Variants in ZFHX3 observed in about 807,000 individuals in gnomAD.
ZFHX3 encodes zinc finger homeobox protein 3.
In ZFHX3, 42 loss-of-function variants were observed where a neutral mutation model predicts 279.1. The ratio of observed to expected loss-of-function variants is 0.15; its 90% confidence interval spans 0.12 to 0.19. The LOEUF is 0.19. ZFHX3 is among the 10% of genes least tolerant of loss of function. The pLI, the probability that ZFHX3 is intolerant of heterozygous loss-of-function variation, is 1.00. For synonymous variants in ZFHX3, 2,293 were observed against 1,957.8 expected (o/e 1.17, Z -4.52); for missense variants, 4,981 against 4,754.0 (o/e 1.05, Z -1.40).
intron 5 of ZFHX3, among the ~76,000 whole-genome samples, chr16:73,223,492 GA>G (rs1204257582): frequency 6.6e-6 from 1 of 152,090 alleles, no homozygotes; most frequent in Non-Finnish European, 1.5e-5. Flanking sequence ...ATATCATCAA[GA>G]AAGTGCAAAT....
chr16:72,897,730 C>CG (rs145793849), intron 3 of ZFHX3, among the ~76,000 whole-genome samples: 2,308 of 152,128 alleles, frequency 0.015, 33 homozygotes, highest in Non-Finnish European at 0.023. Flanking sequence ...TGTAAGTCAC[C>CG]GCACCCAGCC....
chr16:73,419,188 G>A (rs1392961975), intron 3 of ZFHX3, among the ~76,000 whole-genome samples: 2 of 152,202 alleles, frequency 1.3e-5, no homozygotes, highest in Non-Finnish European at 2.9e-5. Flanking sequence ...AAGGAAAGAA[G>A]TACTGATAAT....
chr16:72,993,828 C>T (rs75146170), intron 1 of ZFHX3, among the ~76,000 whole-genome samples: 1,640 of 152,234 alleles, frequency 0.011, 34 homozygotes, highest in East Asian at 0.094. Context: ...ACACCCTAGA[C>T]GTCTTCAAAC....
intron 3 of ZFHX3, among the ~76,000 whole-genome samples, chr16:73,376,473 C>T (rs556739152): frequency 1.3e-5 from 2 of 152,308 alleles, no homozygotes; most frequent in East Asian, 3.9e-4. Context: ...AACTTTAATT[C>T]ATTTCATTTT....
intron 5 of ZFHX3, among the ~76,000 whole-genome samples, chr16:73,185,380 T>C (rs1054477085): frequency 1.3e-5 from 2 of 152,170 alleles, no homozygotes; most frequent in African/African-American, 2.4e-5. Context: ...GTTGAGACAT[T>C]TGTCCAACGT....
intron 2 of ZFHX3, among the ~76,000 whole-genome samples, chr16:73,508,754 G>T (rs2019372066): frequency 1.3e-5 from 2 of 152,204 alleles, no homozygotes; most frequent in Admixed American, 1.3e-4. Flanking sequence ...AGACACGAAT[G>T]AATACTGTGA....
At chr16:73,814,570 T>A (rs927026171) in intron 1 of ZFHX3, among the ~76,000 whole-genome samples, 14 of 144,880 alleles carry the variant, frequency 9.7e-5, no homozygotes, top group Non-Finnish European at 1.8e-4. Context: ...GTTCACAACT[T>A]TTTTTTTTTT....
chr16:73,341,099 T>C (rs993729604), intron 3 of ZFHX3, among the ~76,000 whole-genome samples: 1 of 152,086 alleles, frequency 6.6e-6, no homozygotes, highest in Non-Finnish European at 1.5e-5. Flanking sequence ...TCCCAGCACT[T>C]TGGGAGGCCG....
intron 1 of ZFHX3, among the ~76,000 whole-genome samples, chr16:73,764,695 C>A (rs1370245193): frequency 6.6e-6 from 1 of 152,082 alleles, no homozygotes; most frequent in African/African-American, 2.4e-5. Flanking sequence ...AAGGAACAAC[C>A]AAAGAAAGAA....
At chr16:73,689,341 T>C (rs1320210355) in intron 1 of ZFHX3, among the ~76,000 whole-genome samples, 1 of 152,196 alleles carries the variant, frequency 6.6e-6, no homozygotes, top group Non-Finnish European at 1.5e-5. Flanking sequence ...CCCAGAGAAG[T>C]AGCCACATGG....
At chr16:72,993,847 C>T (rs1479047927) in intron 1 of ZFHX3, among the ~76,000 whole-genome samples, 1 of 152,166 alleles carries the variant, frequency 6.6e-6, no homozygotes, top group Admixed American at 6.5e-5. Context: ...ACTTCATTTC[C>T]TCTGCCACTG....
At chr16:73,785,697 G>C (rs1452834287) in intron 1 of ZFHX3, among the ~76,000 whole-genome samples, 2 of 152,118 alleles carry the variant, frequency 1.3e-5, no homozygotes, top group Admixed American at 1.3e-4. Context: ...TTCTACACTG[G>C]AAATAATTTT....
At chr16:73,774,273 A>G (rs1241813205) in intron 1 of ZFHX3, among the ~76,000 whole-genome samples, 1 of 152,186 alleles carries the variant, frequency 6.6e-6, no homozygotes, top group East Asian at 1.9e-4. Context: ...TTCACTGTAG[A>G]ATCCCCATGG....
At chr16:73,215,682 C>A (rs867047910) in intron 5 of ZFHX3, among the ~76,000 whole-genome samples, 12 of 152,308 alleles carry the variant, frequency 7.9e-5, no homozygotes, top group Middle Eastern at 6.8e-3. Flanking sequence ...TGTCCTCCCC[C>A]CGATGCTGAA....
chr16:73,693,051 A>G (rs915274710), intron 1 of ZFHX3, among the ~76,000 whole-genome samples: 2 of 152,214 alleles, frequency 1.3e-5, no homozygotes, highest in Non-Finnish European at 2.9e-5. Context: ...GGCAGCAGCT[A>G]TGACTCTCTA....
rs538277615 is a variant in ZFHX3 at position 73,800,961 on chromosome 16, G to C, written c.-1608+90690C>G. Among the ~76,000 whole-genome samples the C allele has an allele frequency of 2.6e-5, 4 of 152,246 alleles. No individual in the cohort carries two copies. In the South Asian group the frequency reaches 8.3e-4, roughly 32 times the overall value. On this transcript the variant is annotated intron_variant, in intron 1 of 17. Transcript: ENST00000641206. ...GTTCTTCGGCCACTTGCCTGCCCTG[G>C]TAGTTATAAACGTGAGGCTCCTCCC...
intron 3 of ZFHX3, among the ~76,000 whole-genome samples, chr16:73,325,105 G>A (rs1001153394): frequency 6.6e-6 from 1 of 152,188 alleles, no homozygotes; most frequent in African/African-American, 2.4e-5. Context: ...GAGAATGGAT[G>A]ATAGGACAGA....
At chr16:73,331,950 T>C (rs1239066392) in intron 3 of ZFHX3, among the ~76,000 whole-genome samples, 3 of 152,102 alleles carry the variant, frequency 2.0e-5, no homozygotes, top group Non-Finnish European at 2.9e-5. Flanking sequence ...AAAAGTCCTA[T>C]ACCACACACC....
chr16:73,869,063 G>T (rs888601345), intron 1 of ZFHX3, among the ~76,000 whole-genome samples: 1 of 152,078 alleles, frequency 6.6e-6, no homozygotes, highest in African/African-American at 2.4e-5. Context: ...ATTTGTCCAG[G>T]TCACTATTCT....
Sources: gnomAD v4.1 joint callset for allele counts (sites outside exome capture counted in the v4.1 genomes callset) on GRCh38, gnomAD v4.1.1 for gene constraint, MANE v1.5 for transcripts, NCBI Gene and HGNC (gene_info 2026-07-23, HGNC 2026-07-21) for gene names.